The following SGCZ variants were observed in gnomAD, a reference collection of about 807,000 sequenced individuals.
The protein encoded by SGCZ is zeta-sarcoglycan.
In SGCZ, 40 loss-of-function variants were observed where a neutral mutation model predicts 41.3. The ratio of observed to expected loss-of-function variants is 0.97; its 90% CI spans 0.75 to 1.26. The LOEUF is 1.26. Ranked by LOEUF, SGCZ falls within the 50% of genes most tolerant of loss-of-function variation. SGCZ has a pLI of 0.00. For synonymous variants in SGCZ, 206 were observed against 137.5 expected, an observed-to-expected ratio of 1.50 and a Z score of -3.49; for missense variants, 552 against 369.8, an observed-to-expected ratio of 1.49 and a Z score of -4.04.
intron 1 of SGCZ, among the ~76,000 whole-genome samples, chr8:14,721,272 G>T (rs535002818): frequency 2.0e-5 from 3 of 152,178 alleles, no homozygotes; most frequent in African/African-American, 7.2e-5. Context: ...CATGCATTTT[G>T]TATCTCCATC....
At chr8:14,122,104 G>A (rs541287835) in intron 5 of SGCZ, among the ~76,000 whole-genome samples, 2 of 152,082 alleles carry the variant, frequency 1.3e-5, no homozygotes, top group South Asian at 2.1e-4. Flanking sequence ...GGTGAAACCC[G>A]GTCTCTACTA....
At chr8:14,462,391 T>C (rs1236297581) in intron 2 of SGCZ, among the ~76,000 whole-genome samples, 2 of 152,060 alleles carry the variant, frequency 1.3e-5, no homozygotes, top group Non-Finnish European at 2.9e-5. Flanking sequence ...AACCATACTA[T>C]TTAGTGTTGT....
chr8:14,552,006 C>A (rs1803884992), intron 2 of SGCZ, among the ~76,000 whole-genome samples: 1 of 151,746 alleles, frequency 6.6e-6, no homozygotes, highest in African/African-American at 2.4e-5. Flanking sequence ...CCACAGATTT[C>A]CCTGTGTTGG....
intron 3 of SGCZ, among the ~76,000 whole-genome samples, chr8:14,274,657 T>A (rs2117271825): frequency 6.6e-6 from 1 of 152,258 alleles, no homozygotes. Context: ...ATTTGGAGGC[T>A]CCCTAAACAT....
chr8:15,065,180 G>A (rs1017877613), intron 1 of SGCZ, among the ~76,000 whole-genome samples: 10 of 152,098 alleles, frequency 6.6e-5, no homozygotes, highest in Admixed American at 2.0e-4. Flanking sequence ...GACCCACTCC[G>A]CTGTGCCTTG....
At chr8:14,569,345 T>C (rs549281627) in intron 1 of SGCZ, among the ~76,000 whole-genome samples, 2 of 152,328 alleles carry the variant, frequency 1.3e-5, no homozygotes, top group African/African-American at 4.8e-5. Context: ...CACATAGATC[T>C]CTTTGTGTGG....
chr8:14,118,599 C>T (rs907083782), intron 5 of SGCZ, among the ~76,000 whole-genome samples: 1 of 152,062 alleles, frequency 6.6e-6, no homozygotes, highest in African/African-American at 2.4e-5. Context: ...GCTTTTGTTG[C>T]CATTGCTTTT....
intron 1 of SGCZ, among the ~76,000 whole-genome samples, chr8:14,806,540 G>C (rs939450846): frequency 6.6e-6 from 1 of 152,190 alleles, no homozygotes; most frequent in African/African-American, 2.4e-5. Flanking sequence ...GGAGGAAGTT[G>C]AATCTCTGAA....
intron 3 of SGCZ, among the ~76,000 whole-genome samples, chr8:14,317,903 A>G (rs1585356214): frequency 6.6e-6 from 1 of 152,128 alleles, no homozygotes; most frequent in East Asian, 1.9e-4. Flanking sequence ...GTTTATTTTG[A>G]AGACAAAATG....
chr8:14,235,425 C>G (rs1263353491), intron 4 of SGCZ, among the ~76,000 whole-genome samples: 1 of 152,184 alleles, frequency 6.6e-6, no homozygotes. Context: ...ATTTAAAACT[C>G]AGCTTAACAT....
At chr8:14,361,658 C>T (rs1353530971) in intron 2 of SGCZ, among the ~76,000 whole-genome samples, 2 of 152,112 alleles carry the variant, frequency 1.3e-5, no homozygotes, top group African/African-American at 4.8e-5. Context: ...TTGTTATTAC[C>T]GACCTTCGGA....
intron 1 of SGCZ, among the ~76,000 whole-genome samples, chr8:14,862,973 G>A (rs1425298870): frequency 6.6e-6 from 1 of 152,076 alleles, no homozygotes; most frequent in Non-Finnish European, 1.5e-5. Flanking sequence ...ATAACTTGTG[G>A]CCTTCCAAGT....
At chr8:15,160,123 C>T (rs918855631) in intron 1 of SGCZ, among the ~76,000 whole-genome samples, 2 of 152,158 alleles carry the variant, frequency 1.3e-5, no homozygotes, top group East Asian at 1.9e-4. Flanking sequence ...GTCTCCAAAA[C>T]GATTTTCGTC....
intron 1 of SGCZ, among the ~76,000 whole-genome samples, chr8:14,706,998 GAGC>G (rs1263272061): frequency 6.8e-6 from 1 of 147,106 alleles, no homozygotes; most frequent in Non-Finnish European, 1.5e-5. Flanking sequence ...TTTTTTTTAA[GAGC>G]AGGAGTGAAA....
At position 14,911,540 on chromosome 8, in the gene SGCZ, A is replaced by G. The variant is rs1799279730; in HGVS notation, c.39+326045T>C. On this transcript the variant is annotated intron_variant, in intron 1 of 7. Transcript: ENST00000382080. Reference sequence around the variant, plus strand: ...CTACCAATCACTAGTTAATTTAAAAACCAAATACAATTTTTATAAAAATAA... The same window carrying G: ...CTACCAATCACTAGTTAATTTAAAAGCCAAATACAATTTTTATAAAAATAA... Among the ~76,000 whole-genome samples, 7 of 152,148 alleles carry G rather than the reference A, an allele frequency of 4.6e-5. No individual in the cohort carries two copies. In the South Asian group the frequency reaches 1.5e-3, roughly 32 times the overall value.
chr8:14,205,009 G>T (rs187036820), intron 4 of SGCZ, among the ~76,000 whole-genome samples: 1 of 152,060 alleles, frequency 6.6e-6, no homozygotes, highest in Non-Finnish European at 1.5e-5. Flanking sequence ...TCACCCATAC[G>T]CCTGTTTGTC....
At chr8:14,420,382 T>A (rs1799606999) in intron 2 of SGCZ, among the ~76,000 whole-genome samples, 1 of 152,194 alleles carries the variant, frequency 6.6e-6, no homozygotes, top group Non-Finnish European at 1.5e-5. Flanking sequence ...TGCAACAAAG[T>A]CTGTGCTGAC....
chr8:14,184,101 T>C (rs1001562420), intron 4 of SGCZ, among the ~76,000 whole-genome samples: 3 of 152,158 alleles, frequency 2.0e-5, no homozygotes, highest in Admixed American at 1.3e-4. Context: ...TTTCATATAA[T>C]GTAAATTTAT....
intron 5 of SGCZ, among the ~76,000 whole-genome samples, chr8:14,153,134 T>TA (rs1376864243): frequency 2.0e-5 from 3 of 152,334 alleles, no homozygotes; most frequent in Non-Finnish European, 4.4e-5. Flanking sequence ...AATATGGTAT[T>TA]ACAGTTTTAT....
Sources: allele counts gnomAD v4.1 joint callset (sites outside exome capture counted in the v4.1 genomes callset), GRCh38; gene constraint gnomAD v4.1.1; transcripts MANE v1.5; gene names NCBI Gene and HGNC (gene_info 2026-07-23, HGNC 2026-07-21).